The following ASTN2 variants were observed in gnomAD, a reference collection of about 807,000 sequenced individuals.
ASTN2 encodes astrotactin-2.
Under a neutral mutation model 139.8 loss-of-function variants are expected in ASTN2, and 54 were observed. The ratio of observed to expected loss-of-function variants is 0.39; its 90% CI spans 0.31 to 0.48. ASTN2 has a LOEUF of 0.48. Ranked by LOEUF, ASTN2 falls within the 20% of genes least tolerant of loss-of-function variation. The pLI is 0.95. For missense variants in ASTN2, 1,565 were observed against 1,725.1 expected, an observed-to-expected ratio of 0.91 and a Z score of 1.64; for synonymous variants, 756 against 719.5, an observed-to-expected ratio of 1.05 and a Z score of -0.81.
intron 1 of ASTN2, among the ~76,000 whole-genome samples, chr9:117,334,242 A>C (rs1828803066): frequency 6.6e-6 from 1 of 152,146 alleles, no homozygotes; most frequent in South Asian, 2.1e-4. Context: ...TTCCAGGGAT[A>C]AAAGGGCTGG....
intron 12 of ASTN2, among the ~76,000 whole-genome samples, chr9:116,816,945 T>C (rs57608461): frequency 0.11 from 11,326 of 105,154 alleles, 538 homozygotes; most frequent in East Asian, 0.24. Flanking sequence ...GTCATTTCTA[T>C]ATAGGCCCTA....
intron 5 of ASTN2, among the ~76,000 whole-genome samples, chr9:117,063,216 C>T (rs552409331): frequency 1.3e-5 from 2 of 152,070 alleles, no homozygotes; most frequent in South Asian, 4.1e-4. Flanking sequence ...TAATTTTGTC[C>T]TTCATAAGGT....
intron 10 of ASTN2, among the ~76,000 whole-genome samples, chr9:116,886,071 T>C (rs939542173): frequency 4.6e-5 from 7 of 152,248 alleles, no homozygotes; most frequent in Admixed American, 2.0e-4. Context: ...CCTCTACTTC[T>C]TAAGAGTCTG....
chr9:117,379,079 T>C (rs1830198873), intron 1 of ASTN2, among the ~76,000 whole-genome samples: 1 of 152,146 alleles, frequency 6.6e-6, no homozygotes, highest in Non-Finnish European at 1.5e-5. Context: ...AAGCAGAAGC[T>C]GCTATATTTC....
At chr9:116,686,606 C>T (rs1564205935) in intron 16 of ASTN2, 4 of 1,306,508 alleles carry the variant, frequency 3.1e-6, no homozygotes, top group Non-Finnish European at 4.3e-6. Flanking sequence ...CCCCAGATTC[C>T]CTCAAATCTC....
intron 16 of ASTN2, among the ~76,000 whole-genome samples, chr9:116,712,808 T>G (rs1263989312): frequency 1.3e-5 from 2 of 152,230 alleles, no homozygotes; most frequent in African/African-American, 4.8e-5. Flanking sequence ...TTTCATTGTG[T>G]GTTATATGAA....
At chr9:116,765,943 G>T (rs1829794957) in intron 13 of ASTN2, among the ~76,000 whole-genome samples, 1 of 152,058 alleles carries the variant, frequency 6.6e-6, no homozygotes, top group African/African-American at 2.4e-5. Flanking sequence ...AATTTTATTG[G>T]GGGAGGGAAT....
chr9:116,826,905 C>A (rs1412044169), intron 11 of ASTN2, among the ~76,000 whole-genome samples: 4 of 152,170 alleles, frequency 2.6e-5, no homozygotes, highest in Admixed American at 6.5e-5. Context: ...AACACAGTAT[C>A]TCAACATGTG....
chr9:116,733,300 A>G, intron 14 of ASTN2, 99 bp downstream of exon 14: 1 of 1,493,776 alleles, frequency 6.7e-7, no homozygotes, highest in Non-Finnish European at 9.2e-7. Flanking sequence ...GAGGCTTGAC[A>G]GAGCCCATCT....
chr9:117,137,409 A>G (rs1588004514), intron 4 of ASTN2, among the ~76,000 whole-genome samples: 4 of 152,316 alleles, frequency 2.6e-5, no homozygotes, highest in Admixed American at 2.6e-4. Context: ...GCCCACGGCA[A>G]CCTCAATGGC....
At chr9:117,049,294 A>C (rs1171753663) in intron 5 of ASTN2, among the ~76,000 whole-genome samples, 1 of 152,122 alleles carries the variant, frequency 6.6e-6, no homozygotes, top group East Asian at 1.9e-4. Flanking sequence ...AAATTTTGAG[A>C]CATGCTATAT....
At chr9:116,526,545 C>A (rs771186400) in intron 19 of ASTN2, among the ~76,000 whole-genome samples, 7 of 151,536 alleles carry the variant, frequency 4.6e-5, no homozygotes, top group Non-Finnish European at 1.0e-4. Flanking sequence ...CTGCTTGAAC[C>A]CAGGGGTCAG....
At chr9:116,999,342 G>T (rs1251780162) in intron 7 of ASTN2, among the ~76,000 whole-genome samples, 3 of 152,038 alleles carry the variant, frequency 2.0e-5, no homozygotes, top group Non-Finnish European at 4.4e-5. Flanking sequence ...CTCCTCATTT[G>T]ATTACACTAG....
intron 5 of ASTN2, among the ~76,000 whole-genome samples, chr9:117,066,823 C>T (rs1345685983): frequency 2.7e-5 from 4 of 148,086 alleles, no homozygotes; most frequent in Non-Finnish European, 6.0e-5. Flanking sequence ...AGTGTCTGTT[C>T]ATGTCCTTCG....
At chr9:116,548,299 C>T (rs953520832) in intron 19 of ASTN2, among the ~76,000 whole-genome samples, 2 of 152,110 alleles carry the variant, frequency 1.3e-5, no homozygotes, top group African/African-American at 4.8e-5. Flanking sequence ...TGGCAGGAGG[C>T]TTGGTTCTGG....
chr9:117,411,733 AC>A (rs1223579966), intron 1 of ASTN2, among the ~76,000 whole-genome samples: 3 of 151,982 alleles, frequency 2.0e-5, no homozygotes, highest in Non-Finnish European at 4.4e-5. Context: ...GGACACCATC[AC>A]CCCCTAGTGG....
chr9:116,529,757 TA>T (rs1263316557), intron 19 of ASTN2, among the ~76,000 whole-genome samples: 1 of 151,974 alleles, frequency 6.6e-6, no homozygotes, highest in African/African-American at 2.4e-5. Context: ...TCTTATCGTT[TA>T]AAAGTGTGGC....
chr9:116,553,206 G>A (rs1852435784), intron 19 of ASTN2, among the ~76,000 whole-genome samples: 1 of 152,104 alleles, frequency 6.6e-6, no homozygotes, highest in Non-Finnish European at 1.5e-5. Flanking sequence ...CAGGGAAGAA[G>A]CCAGAAAGTC....
intron 19 of ASTN2, among the ~76,000 whole-genome samples, chr9:116,576,300 G>C (rs2131700965): frequency 6.6e-6 from 1 of 152,248 alleles, no homozygotes. Flanking sequence ...CTTGTGAATG[G>C]GGATTAATAT....
Sources: gnomAD v4.1 joint callset for allele counts (sites outside exome capture counted in the v4.1 genomes callset) on GRCh38, gnomAD v4.1.1 for gene constraint, MANE v1.5 for transcripts, NCBI Gene and HGNC (gene_info 2026-07-23, HGNC 2026-07-21) for gene names.